Variants in SGCD observed in about 807,000 individuals in gnomAD.
The protein encoded by SGCD is delta-sarcoglycan.
A neutral mutation model predicts 36.6 loss-of-function variants in SGCD; 18 were observed. The observed-to-expected ratio is 0.49, with a 90% CI of 0.34 to 0.73. The LOEUF (loss-of-function observed/expected upper bound fraction) is 0.73, where lower values mean the gene tolerates loss of function less well. SGCD is among the 30% of genes least tolerant of loss of function. SGCD has a pLI of 0.01. For synonymous variants in SGCD, 133 were observed against 130.6 expected (o/e 1.02, Z -0.12); for missense variants, 387 against 346.7 (o/e 1.12, Z -0.92).
chr5:155,857,351 G>A, the SGCD span, among the ~76,000 whole-genome samples: 1 of 152,188 alleles, frequency 6.6e-6, no homozygotes, highest in Non-Finnish European at 1.5e-5. Context: ...TTCTGTAGCA[G>A]CTTACTTTGC....
chr5:156,633,922 A>G (rs1238339157), intron 6 of SGCD, among the ~76,000 whole-genome samples: 1 of 152,102 alleles, frequency 6.6e-6, no homozygotes, highest in Non-Finnish European at 1.5e-5. Flanking sequence ...GGGCACAGAA[A>G]TCTTTGCTGA....
At chr5:156,168,181 A>G (rs1478147537) in intron 3 of SGCD, among the ~76,000 whole-genome samples, 5 of 152,242 alleles carry the variant, frequency 3.3e-5, no homozygotes, top group African/African-American at 4.8e-5. Flanking sequence ...TTTAGTTAGA[A>G]TAAATGGATA....
chr5:155,941,490 AT>A (rs1262267572), intron 1 of SGCD, among the ~76,000 whole-genome samples: 3 of 151,246 alleles, frequency 2.0e-5, no homozygotes, highest in African/African-American at 4.8e-5. Context: ...TTATATTGCT[AT>A]TAATAATATT....
the SGCD span, among the ~76,000 whole-genome samples, chr5:155,853,250 A>G: frequency 1.3e-5 from 2 of 152,078 alleles, no homozygotes; most frequent in South Asian, 4.1e-4. Flanking sequence ...TTCAGAGCCC[A>G]CCCTTCTCAT....
intron 6 of SGCD, among the ~76,000 whole-genome samples, chr5:156,627,853 T>G (rs11743012): frequency 0.12 from 18,285 of 152,206 alleles, 1,246 homozygotes; most frequent in Non-Finnish European, 0.15. Flanking sequence ...TGCTTGGTAA[T>G]GTTTATAATC....
At chr5:156,690,853 T>C (rs2113705394) in intron 7 of SGCD, among the ~76,000 whole-genome samples, 1 of 152,202 alleles carries the variant, frequency 6.6e-6, no homozygotes, top group Admixed American at 6.5e-5. Context: ...AAAAATAGGA[T>C]GACTGTTAAA....
rs1197697654 is a variant in SGCD at position 156,060,549 on chromosome 5, C to A, written c.-281-57329C>A. ...TACAAGGGGCATTTTGGGAACTAACCAATTGAGACTGGTTATAATGGGAAT... is the reference window on the plus strand; with the variant it reads ...TACAAGGGGCATTTTGGGAACTAACAAATTGAGACTGGTTATAATGGGAAT... On this transcript the variant is annotated intron_variant, in intron 1 of 9. Transcript: ENST00000517913. Among the ~76,000 whole-genome samples, 3 of 145,938 alleles carry A rather than the reference C, an allele frequency of 2.1e-5. 1 individual carries two copies. The highest frequency in any genetic ancestry group is 4.6e-5 in the Non-Finnish European group (3 of 64,766).
chr5:156,022,976 C>T lies in SGCD; in HGVS notation c.-281-94902C>T, dbSNP rs1759141421. Among the ~76,000 whole-genome samples the T allele has an allele frequency of 1.3e-5, 2 of 152,224 alleles. 1 individual carries two copies. The highest frequency in any genetic ancestry group is 1.3e-4 in the Admixed American group (2 of 15,286). On this transcript the variant is annotated intron_variant, in intron 1 of 9. Transcript: ENST00000517913. The stretch of plus-strand genomic sequence containing the variant: ...TTTGTTTCCCAGCTAAAAAGCTCAT[C>T]ATTTTTCTCTTAAGTGTAGCACAGT...
Position 156,152,118 on chromosome 5 carries a change from T to C in SGCD, c.-44+28099T>C, listed in dbSNP as rs893058216. 1.1e-4 allele frequency among the ~76,000 whole-genome samples: 16 copies of C among 151,726 alleles called. 2 individuals are homozygous for C. The highest frequency in any genetic ancestry group is 3.7e-4 in the African/African-American group (15 of 41,038). On this transcript the variant is annotated intron_variant, in intron 3 of 9. Coordinates refer to the SGCD transcript ENST00000517913. ...TTTATTAGTTTACCCCTTTATAATG[T>C]TGAATAATTGTGAGTTAAAAAAAAA...
chr5:156,425,042 C>T (rs1426683983), intron 3 of SGCD, among the ~76,000 whole-genome samples: 1 of 151,994 alleles, frequency 6.6e-6, no homozygotes, highest in Non-Finnish European at 1.5e-5. Context: ...CCATTTTTAT[C>T]CTTTCTGAGA....
At chr5:155,955,311 T>A (rs1757628791) in intron 1 of SGCD, among the ~76,000 whole-genome samples, 1 of 152,220 alleles carries the variant, frequency 6.6e-6, no homozygotes, top group Middle Eastern at 3.4e-3. Context: ...TTCAATAAAT[T>A]TGAAGTATTT....
At chr5:156,675,245 C>T (rs140614386) in intron 7 of SGCD, among the ~76,000 whole-genome samples, 43 of 152,294 alleles carry the variant, frequency 2.8e-4, no homozygotes, top group Middle Eastern at 6.8e-3. Flanking sequence ...AATTAAATGA[C>T]ATAATACATA....
At position 156,761,952 on chromosome 5, in the gene SGCD, G is replaced by A. The variant is rs1454356642; in HGVS notation, c.*2562G>A. Reference sequence around the variant, plus strand: ...ACCACAGTATACAAAGTAATAAGCAGGAAATTTGATATGGGTTAAATTATG... The same window carrying A: ...ACCACAGTATACAAAGTAATAAGCAAGAAATTTGATATGGGTTAAATTATG... On this transcript the variant is annotated 3_prime_UTR_variant, in exon 9 of 9. Transcript: ENST00000337851. The A allele has an allele frequency of 6.6e-6, 1 of 152,344 alleles. No individual in the cohort carries two copies. The highest frequency in any genetic ancestry group is 1.5e-5 in the Non-Finnish European group (1 of 68,020). The allele number at this position is 152,344 out of a possible 1,614,324, so 9.4% of individuals were successfully genotyped here. A position where few individuals can be genotyped will look rare whatever the true frequency, so the allele number is the denominator to read the frequency against.
At chr5:155,792,107 A>G in the SGCD span, among the ~76,000 whole-genome samples, 3 of 152,276 alleles carry the variant, frequency 2.0e-5, no homozygotes, top group East Asian at 5.8e-4. Flanking sequence ...AAAGCCACAC[A>G]TCTACAACTA....
At chr5:156,502,396 A>G (rs1756498166) in intron 3 of SGCD, among the ~76,000 whole-genome samples, 1 of 152,128 alleles carries the variant, frequency 6.6e-6, no homozygotes, top group Admixed American at 6.6e-5. Flanking sequence ...CCCAGGCTGG[A>G]GAGCATTGAT....
intron 6 of SGCD, among the ~76,000 whole-genome samples, chr5:156,605,431 C>G (rs893972404): frequency 2.0e-5 from 3 of 152,206 alleles, no homozygotes; most frequent in African/African-American, 7.2e-5. Context: ...GCCACATTTT[C>G]TTAATCCAGT....
At chr5:155,901,105 G>A (rs773484267) in intron 1 of SGCD, among the ~76,000 whole-genome samples, 3 of 152,206 alleles carry the variant, frequency 2.0e-5, no homozygotes, top group Non-Finnish European at 2.9e-5. Context: ...GAGCCCAGGA[G>A]TTCAAAAGCA....
intron 7 of SGCD, among the ~76,000 whole-genome samples, chr5:156,660,131 C>T (rs1164257148): frequency 6.6e-6 from 1 of 150,542 alleles, no homozygotes; most frequent in Non-Finnish European, 1.5e-5. Flanking sequence ...TGAGTGACAT[C>T]CCGCTTACCA....
At chr5:156,298,324 T>G (rs1766953252) in intron 3 of SGCD, among the ~76,000 whole-genome samples, 1 of 152,150 alleles carries the variant, frequency 6.6e-6, no homozygotes, top group Non-Finnish European at 1.5e-5. Flanking sequence ...TCTTTAAATT[T>G]TTTAGGAACA....
Sources: allele counts gnomAD v4.1 joint callset (sites outside exome capture counted in the v4.1 genomes callset), GRCh38; gene constraint gnomAD v4.1.1; transcripts MANE v1.5; gene names NCBI Gene and HGNC (gene_info 2026-07-23, HGNC 2026-07-21).